PSORS1C1: variants seen among roughly 807,000 people sequenced by gnomAD.
PSORS1C1 encodes psoriasis susceptibility 1 candidate gene 1 protein.
A neutral mutation model predicts 9.4 loss-of-function variants in PSORS1C1; 7 were observed. The ratio of observed to expected loss-of-function variants is 0.75; its 90% CI spans 0.42 to 1.40. PSORS1C1 has a LOEUF of 1.40. Ranked by LOEUF, PSORS1C1 falls within the 40% of genes most tolerant of loss-of-function variation. The pLI is 0.01. For synonymous variants in PSORS1C1, 63 were observed against 69.4 expected (o/e 0.91, Z 0.46); for missense variants, 146 against 178.1 (o/e 0.82, Z 1.02).
chr6:31,123,716 C>T (rs997068767), intron 1 of PSORS1C1, among the ~76,000 whole-genome samples: 7 of 152,248 alleles, frequency 4.6e-5, no homozygotes, highest in African/African-American at 1.7e-4. Flanking sequence ...TCCACCCCTC[C>T]AGCAGCCCTG....
At chr6:31,126,880 C>G (rs1247513487) in intron 2 of PSORS1C1, among the ~76,000 whole-genome samples, 3 of 152,184 alleles carry the variant, frequency 2.0e-5, no homozygotes, top group Non-Finnish European at 4.4e-5. Flanking sequence ...TGGCTGTTTC[C>G]GTCACACCCT....
chr6:31,119,627 G>C (rs1326790678), intron 1 of PSORS1C1, among the ~76,000 whole-genome samples: 1 of 152,226 alleles, frequency 6.6e-6, no homozygotes, highest in Non-Finnish European at 1.5e-5. Flanking sequence ...GGCCGGGTGT[G>C]GTGGCTCATG....
rs972954759 is a variant in PSORS1C1 at position 31,115,162 on chromosome 6, C to T, written c.-229+271C>T. On this transcript the variant is annotated intron_variant, in intron 1 of 5. Coordinates refer to ENST00000259881, the MANE Select transcript of PSORS1C1 (RefSeq NM_014068.3). This position sits in a 1 kb window ranked among gnomAD's most constrained non-coding sequence, Gnocchi z 4.2. ...TGGAAGGTAGAAGAGAAACACAGCC[C>T]GCTTTTGAAGGAAAATGAGGAACAC... The T allele has an allele frequency of 1.8e-5, 6 of 333,936 alleles. No individual in the cohort carries two copies. The highest frequency in any genetic ancestry group is 4.8e-5 in the South Asian group (2 of 41,566). 20.7% of individuals were successfully genotyped at this position (333,936 alleles called of 1,614,324 possible). A position where few individuals can be genotyped will look rare whatever the true frequency, so the allele number is the denominator to read the frequency against.
In PSORS1C1 at chr6:31,139,686, G is replaced by A. The variant is rs1208908575; in HGVS notation, c.213G>A (p.Leu71=). The change falls in exon 6 of 6, where the codon CTG becomes CTA. Residue 71 remains leucine (L), a synonymous_variant. Transcript: ENST00000259881. The surrounding 1 kb of genome is among the most constrained non-coding windows in gnomAD (Gnocchi z 5.2). ...CAATGATATCCAAGGAATTCCATCT[G>A]GCAGCCACCCAGGATGACTGCAGAA... ...LQAMISKEFH[L]AATQDDCRKG... 1 of 1,612,954 alleles carries A rather than the reference G, an allele frequency of 6.2e-7. No homozygotes were observed. Among genetic ancestry groups the A allele is most frequent in the Admixed American group, 1.7e-5 (1 of 60,014 alleles).
At chr6:31,127,460 G>C in intron 2 of PSORS1C1, among the ~76,000 whole-genome samples, 1 of 152,114 alleles carries the variant, frequency 6.6e-6, no homozygotes, top group East Asian at 1.9e-4. Context: ...CTTCACCAGA[G>C]ACCGGCGCCG....
At chr6:31,127,677 G>A (rs900528146) in intron 2 of PSORS1C1, among the ~76,000 whole-genome samples, 4 of 151,848 alleles carry the variant, frequency 2.6e-5, no homozygotes, top group African/African-American at 4.8e-5. Context: ...AGCCGGGTGT[G>A]GTGGTGAACA....
Position 31,139,194 on chromosome 6 carries a change from C to A in PSORS1C1, c.167+415C>A. The A allele has an allele frequency of 1.6e-6, 1 of 611,214 alleles. No individual in the cohort carries two copies. The highest frequency in any genetic ancestry group is 2.0e-5 in the South Asian group (1 of 49,532). The allele number at this position is 611,214 out of a possible 1,614,324, so 37.9% of individuals were successfully genotyped here. ...GGAAGGCCTGGGCTGATGTGTCACCCCTGAAGGTGGCGTCCCTTATTTTAG... is the reference window on the plus strand; with the variant it reads ...GGAAGGCCTGGGCTGATGTGTCACCACTGAAGGTGGCGTCCCTTATTTTAG... On this transcript the variant is annotated intron_variant, in intron 5 of 5. Transcript: ENST00000259881. The surrounding 1 kb of genome is among the most constrained non-coding windows in gnomAD (Gnocchi z 5.2).
chr6:31,126,215 G>C (rs757973428), intron 2 of PSORS1C1, among the ~76,000 whole-genome samples: 1 of 152,190 alleles, frequency 6.6e-6, no homozygotes, highest in Non-Finnish European at 1.5e-5. Flanking sequence ...TATTGGATTA[G>C]CTCCTTTTAT....
intron 1 of PSORS1C1, among the ~76,000 whole-genome samples, chr6:31,121,380 C>G (rs562485121): frequency 2.6e-5 from 4 of 152,170 alleles, no homozygotes; most frequent in Non-Finnish European, 2.9e-5. Context: ...GCTGGATGAG[C>G]GAGCAGGAAG....
At chr6:31,132,011 G>A (rs1025639963) in intron 3 of PSORS1C1, among the ~76,000 whole-genome samples, 5 of 152,174 alleles carry the variant, frequency 3.3e-5, no homozygotes, top group African/African-American at 9.7e-5. Flanking sequence ...TTTGAGAGGC[G>A]GAGGCAGGAG....
intron 1 of PSORS1C1, chr6:31,117,049 G>C: frequency 6.2e-7 from 1 of 1,614,260 alleles, no homozygotes; most frequent in African/African-American, 1.3e-5. Flanking sequence ...AGGCTGGGAA[G>C]GGTTTAGTAT....
At position 31,115,729 on chromosome 6, in the gene PSORS1C1, G is replaced by C. The variant is rs1772074029; in HGVS notation, c.-229+838G>C. ...CTCAATGGACCATTTCCACACAGTA[G>C]AGGGAATTGTAAGGGGTGGTGATCT... On this transcript the variant is annotated intron_variant, in intron 1 of 5. Coordinates refer to ENST00000259881, the MANE Select transcript of PSORS1C1 (RefSeq NM_014068.3). The surrounding 1 kb of genome is among the most constrained non-coding windows in gnomAD (Gnocchi z 4.2). The C allele has an allele frequency of 2.0e-5, 10 of 495,054 alleles. No individual in the cohort carries two copies. The highest frequency in any genetic ancestry group is 3.2e-5 in the Non-Finnish European group (9 of 278,890). 30.7% of individuals were successfully genotyped at this position (495,054 alleles called of 1,614,324 possible).
chr6:31,126,020 T>C (rs1772665933), intron 2 of PSORS1C1, among the ~76,000 whole-genome samples, 181 bp downstream of exon 2: 1 of 148,614 alleles, frequency 6.7e-6, no homozygotes. Flanking sequence ...GCACAGCTCT[T>C]ATGTGCAAAG....
intron 3 of PSORS1C1, among the ~76,000 whole-genome samples, chr6:31,130,146 C>T (rs1441221705): frequency 1.3e-5 from 2 of 151,884 alleles, no homozygotes; most frequent in Admixed American, 6.6e-5. Context: ...ACTAATTCCA[C>T]GTTATTGGCT....
chr6:31,119,144 A>G (rs546379790), intron 1 of PSORS1C1, among the ~76,000 whole-genome samples: 5 of 152,030 alleles, frequency 3.3e-5, no homozygotes, highest in Non-Finnish European at 7.4e-5. Flanking sequence ...ATGTGCGGCC[A>G]GATGTTTTAG....
intron 1 of PSORS1C1, chr6:31,116,084 GC>G (rs756296748): frequency 6.2e-7 from 1 of 1,611,966 alleles, no homozygotes; most frequent in Admixed American, 1.7e-5. Flanking sequence ...GCTAGCTGGG[GC>G]CCCAGAGGCT....
At chr6:31,129,817 G>A (rs1372219169) in intron 3 of PSORS1C1, among the ~76,000 whole-genome samples, 172 bp downstream of exon 3, 1 of 152,238 alleles carries the variant, frequency 6.6e-6, no homozygotes. Context: ...TAAAGGCATG[G>A]AAACCCACAT....
intron 1 of PSORS1C1, chr6:31,117,483 G>T (rs1335533174): frequency 1.9e-6 from 3 of 1,552,462 alleles, no homozygotes; most frequent in South Asian, 2.4e-5. Context: ...TACGCGTGGG[G>T]TCCTTACAAG....
At chr6:31,138,558 TCTC>T (rs1385140585) in intron 4 of PSORS1C1, 95 bp from the exon 5 acceptor site, 2 of 1,607,878 alleles carry the variant, frequency 1.2e-6, no homozygotes, top group African/African-American at 1.3e-5. Flanking sequence ...TGACCAGACT[TCTC>T]CAAATAAGCT....
Sources: gnomAD v4.1 joint callset for allele counts (sites outside exome capture counted in the v4.1 genomes callset) on GRCh38, gnomAD v4.1.1 for gene constraint, Gnocchi (gnomAD v3.1) non-coding constraint, MANE v1.5 for transcripts, NCBI Gene and HGNC (gene_info 2026-07-23, HGNC 2026-07-21) for gene names.